HAUS3: variants seen among roughly 807,000 people sequenced by gnomAD.
HAUS3 encodes the protein HAUS augmin like complex subunit 3.
HAUS3 carries 36 observed loss-of-function variants against 55.2 expected under a neutral mutation model. The observed-to-expected ratio is 0.65, with a 90% CI of 0.50 to 0.86. The LOEUF is 0.86. Ranked by LOEUF, HAUS3 falls within the 40% of genes least tolerant of loss-of-function variation. HAUS3 has a pLI of 0.00. For missense variants in HAUS3, 752 were observed against 671.5 expected (o/e 1.12, Z -1.33); for synonymous variants, 234 against 238.6 (o/e 0.98, Z 0.18).
At position 2,240,757 on chromosome 4, in the gene HAUS3, G is replaced by A. The variant is rs1412959337; in HGVS notation, c.190C>T (p.Leu64Phe). The A allele has an allele frequency of 6.2e-7, 1 of 1,613,942 alleles. No homozygotes were observed. The highest frequency in any genetic ancestry group is 1.1e-5 in the South Asian group (1 of 91,070). ...AGAATAGGCTTGCCTGATTTCTGAA[G>A]AATGCTAAAAGCTTCCAATTCTCTT... Reference protein sequence around the residue: ...SERELEAFSILQKSGKPILEG... With the variant: ...SERELEAFSIFQKSGKPILEG... Residue 64 changes from leucine to phenylalanine, a missense_variant, in exon 3 of 6, where the codon CTT becomes TTT. Physicochemically the swap from Leu to Phe is conservative, Grantham distance 22. Transcript: ENST00000443786.
intron 4 of HAUS3, among the ~76,000 whole-genome samples, chr4:2,237,194 A>G (rs2108778890): frequency 6.6e-6 from 1 of 152,170 alleles, no homozygotes; most frequent in African/African-American, 2.4e-5. Flanking sequence ...CTGTAATCCC[A>G]GTATTGTGGG....
intron 2 of HAUS3, 51 bp downstream of exon 2, chr4:2,241,466 TAAG>T (rs1185039306): frequency 1.0e-6 from 1 of 982,942 alleles, no homozygotes; most frequent in African/African-American, 1.7e-5. Flanking sequence ...CCTCCGTACG[TAAG>T]AAGACGCAAA....
chr4:2,234,112 T>C (rs1317472449), intron 5 of HAUS3: 2 of 152,178 alleles, frequency 1.3e-5, no homozygotes, highest in African/African-American at 2.4e-5. Flanking sequence ...ACAAAATTGA[T>C]GGCACAGTAA....
At position 2,238,987 on chromosome 4, in the gene HAUS3, C is replaced by A. The variant is rs369909514; in HGVS notation, c.966G>T (p.Met322Ile). ...AKISSLTSEI[M>I]KLEKEVTQIK... ...TTTGAGTGACCTCTTTTTCAAGTTT[C>A]ATAATCTCACTGGTCAAGCTAGAAA... The change falls in exon 4 of 6, where the codon ATG (methionine) becomes ATT (isoleucine). Residue 322 changes from methionine (M) to isoleucine (I), a missense_variant. Coordinates refer to ENST00000443786, the MANE Select transcript of HAUS3 (RefSeq NM_001303143.2). 1.9e-6 allele frequency: 3 copies of A among 1,578,654 alleles called. No homozygotes were observed. The highest frequency in any genetic ancestry group is 2.6e-6 in the Non-Finnish European group (3 of 1,167,474).
intron 2 of HAUS3, among the ~76,000 whole-genome samples, chr4:2,241,304 G>A: frequency 6.6e-6 from 1 of 152,100 alleles, no homozygotes; most frequent in East Asian, 1.9e-4. Context: ...ACAAGAAAGT[G>A]GATCTATTTG....
rs1480299095 is a variant in HAUS3 at position 2,230,119 on chromosome 4, AC to A, written c.*1807del. ...AGACCAGCCTGACCAACATGGTGAA[AC>A]CCCGTCTCTACTGAAAATACAAAAA... On this transcript the variant is annotated 3_prime_UTR_variant, in exon 6 of 6. Transcript: ENST00000443786. 3.3e-5 allele frequency: 5 copies of A among 152,572 alleles called. No individual in the cohort carries two copies. The highest frequency in any genetic ancestry group is 1.3e-4 in the Admixed American group (2 of 15,272). The allele number at this position is 152,572 out of a possible 1,614,324, so 9.5% of individuals were successfully genotyped here.
rs191599324 is a variant in HAUS3, at chr4:2,241,567, G to C, written c.-195C>G. 5.1e-6 allele frequency: 5 copies of C among 985,768 alleles called. No homozygotes were observed. Among genetic ancestry groups the C allele is most frequent in the African/African-American group, 1.7e-5 (1 of 57,366 alleles). 61.1% of individuals were successfully genotyped at this position (985,768 alleles called of 1,614,324 possible). A position where few individuals can be genotyped will look rare whatever the true frequency, so the allele number is the denominator to read the frequency against. On this transcript the variant is annotated 5_prime_UTR_variant, in exon 2 of 6. Coordinates refer to ENST00000443786, the MANE Select transcript of HAUS3 (RefSeq NM_001303143.2). The stretch of plus-strand genomic sequence containing the variant: ...CTCCACCTCCAGAGTCCACCACCGC[G>C]ACGCGGAGAACAGCAGGAGCAGCAG...
chr4:2,233,233 T>C (rs931584569), intron 5 of HAUS3, among the ~76,000 whole-genome samples: 1 of 152,184 alleles, frequency 6.6e-6, no homozygotes, highest in African/African-American at 2.4e-5. Context: ...AACAATCTCA[T>C]CTTTACCTTC....
In HAUS3 at chr4:2,238,784, G is replaced by C. The variant is rs780154158; in HGVS notation, c.1169C>G (p.Ser390Ter). The C allele has an allele frequency of 2.1e-5, 34 of 1,613,498 alleles. No homozygotes were observed. The highest frequency in any genetic ancestry group is 2.7e-5 in the African/African-American group (2 of 74,914). ...QKASFELLQL[S>*]YEIELRKHRD... ...ATGCTTTCTTAATTCAATTTCATAT[G>C]ATAACTGTAGAAGTTCAAATGATGC... Residue 390 changes from serine (S) to a stop codon, truncating the protein, a stop_gained, in exon 4 of 6, where the codon TCA (serine) becomes TGA (stop). Coordinates refer to ENST00000443786, the MANE Select transcript of HAUS3 (RefSeq NM_001303143.2). LOFTEE classifies it high-confidence loss of function.
chr4:2,232,231 AT>A (rs1734608562), intron 5 of HAUS3, 71 bp from the exon 6 acceptor site: 14 of 714,692 alleles, frequency 2.0e-5, no homozygotes, highest in Non-Finnish European at 3.1e-5. Context: ...TTAAAATATA[AT>A]TTACATGGAA....
intron 5 of HAUS3, among the ~76,000 whole-genome samples, chr4:2,232,758 T>C (rs973685373): frequency 2.6e-5 from 4 of 152,202 alleles, no homozygotes; most frequent in African/African-American, 9.6e-5. Context: ...TTTATTACAG[T>C]AAATTCAAAT....
chr4:2,229,229 C>T lies in HAUS3; in HGVS notation c.*2698G>A. ...AGCCTACCAATGCCTCATAATTTTC[C>T]ATTTTCACAAAATCCTAAATGTAAG... is the stretch of plus-strand genomic sequence containing the variant. On this transcript the variant is annotated 3_prime_UTR_variant, in exon 6 of 6. Coordinates refer to ENST00000443786, the MANE Select transcript of HAUS3 (RefSeq NM_001303143.2). The T allele has an allele frequency of 6.3e-7, 1 of 1,595,074 alleles. No homozygotes were observed. Among genetic ancestry groups the T allele is most frequent in the South Asian group, 1.1e-5 (1 of 87,738 alleles).
chr4:2,236,575 T>C lies in HAUS3; in HGVS notation c.1350-119A>G, dbSNP rs996343963. ...AGCTAAGTAACAACTTATAAAAATA[T>C]TGGCCGGGTACAGTAGCTCACGCCT... On this transcript the variant is annotated intron_variant, in intron 4 of 5. Coordinates refer to ENST00000443786, the MANE Select transcript of HAUS3 (RefSeq NM_001303143.2). The C allele has an allele frequency of 1.6e-4, 113 of 702,944 alleles. 1 individual carries two copies. The highest frequency in any genetic ancestry group is 1.4e-3 in the South Asian group (76 of 55,172). The allele number at this position is 702,944 out of a possible 1,614,324, so 43.5% of individuals were successfully genotyped here.
chr4:2,236,319 T>C lies in HAUS3; in HGVS notation c.1487A>G (p.His496Arg). 1.9e-6 allele frequency: 3 copies of C among 1,613,674 alleles called. No homozygotes were observed. Among genetic ancestry groups the C allele is most frequent in the Non-Finnish European group, 2.5e-6 (3 of 1,179,684 alleles). Residue 496 changes from histidine (H) to arginine (R), a missense_variant, in exon 5 of 6, where the codon CAT (histidine) becomes CGT (arginine). Coordinates refer to ENST00000443786, the MANE Select transcript of HAUS3 (RefSeq NM_001303143.2). ...ATTCCGTTTGGACAGAAAGAAAGAA[T>C]GTTCTTGAGCAGATACTGCCAACTG... The part of the protein sequence containing the change: ...QDQLAVSAQE[H>R]SFFLSKRNKD...
At chr4:2,239,794 G>T (rs1734904014) in intron 3 of HAUS3, among the ~76,000 whole-genome samples, 1 of 152,182 alleles carries the variant, frequency 6.6e-6, no homozygotes, top group Admixed American at 6.5e-5. Flanking sequence ...GCAAATTAAA[G>T]CACTTTTGTT....
In HAUS3 at chr4:2,231,894, G is replaced by A. The variant is rs1455550793; in HGVS notation, c.*33C>T. ...CACAGTCTTCTAATAAATAAAAGAG[G>A]ACACGTAATAAAGATTCAGTTTTCA... is the stretch of plus-strand genomic sequence containing the variant. On this transcript the variant is annotated 3_prime_UTR_variant, in exon 6 of 6. Coordinates refer to ENST00000443786, the MANE Select transcript of HAUS3 (RefSeq NM_001303143.2). The A allele has an allele frequency of 1.2e-5, 11 of 899,810 alleles. No individual in the cohort carries two copies. Among genetic ancestry groups the A allele is most frequent in the Middle Eastern group, 2.2e-4 (1 of 4,452 alleles). 55.7% of individuals were successfully genotyped at this position (899,810 alleles called of 1,614,324 possible).
In HAUS3 at chr4:2,242,088, G is replaced by C. The variant is rs955459001; in HGVS notation, c.-456C>G. 1.0e-6 allele frequency: 1 copy of C among 985,786 alleles called. No homozygotes were observed. The highest frequency in any genetic ancestry group is 1.2e-6 in the Non-Finnish European group (1 of 830,288). The allele number at this position is 985,786 out of a possible 1,614,324, so 61.1% of individuals were successfully genotyped here. A position where few individuals can be genotyped will look rare whatever the true frequency, so the allele number is the denominator to read the frequency against. On this transcript the variant is annotated 5_prime_UTR_variant, in exon 1 of 6. Transcript: ENST00000443786. ...CGCTTGCTTCTCGCAGGAGCCCGCC[G>C]CCACCGCCCTCCGTGCCCCGCGCGC...
intron 4 of HAUS3, among the ~76,000 whole-genome samples, chr4:2,237,801 T>C (rs185062484): frequency 7.9e-5 from 12 of 152,200 alleles, no homozygotes; most frequent in African/African-American, 2.7e-4. Flanking sequence ...ATAGCTATAA[T>C]AGTAAACTTT....
chr4:2,229,049 A>G lies in HAUS3; in HGVS notation c.*2878T>C. ...TTTTCAATTCTTAGTCTTTAGAACA[A>G]TTAACATTCAAAGTATCAAGAGAAA... On this transcript the variant is annotated 3_prime_UTR_variant, in exon 6 of 6. Transcript: ENST00000443786. The G allele has an allele frequency of 6.6e-7, 1 of 1,514,788 alleles. No individual in the cohort carries two copies. The highest frequency in any genetic ancestry group is 1.2e-5 in the South Asian group (1 of 82,580). The allele number at this position is 1,514,788 out of a possible 1,614,324, so 93.8% of individuals were successfully genotyped here. A position where few individuals can be genotyped will look rare whatever the true frequency, so the allele number is the denominator to read the frequency against.
Sources: gnomAD v4.1 joint callset for allele counts (sites outside exome capture counted in the v4.1 genomes callset) on GRCh38, gnomAD v4.1.1 for gene constraint, MANE v1.5 for transcripts, NCBI Gene and HGNC (gene_info 2026-07-23, HGNC 2026-07-21) for gene names.